KIF26B: variants seen among roughly 807,000 people sequenced by gnomAD.
KIF26B encodes the protein kinesin-like protein KIF26B.
In KIF26B, 63 loss-of-function variants were observed where a neutral mutation model predicts 151.2. The ratio of observed to expected loss-of-function variants is 0.42; its 90% CI spans 0.34 to 0.51. The LOEUF is 0.51. KIF26B is among the 20% of genes least tolerant of loss of function. KIF26B has a pLI of 0.07. For synonymous variants in KIF26B, 1,357 were observed against 1,262.1 expected (o/e 1.08, Z -1.59); for missense variants, 2,813 against 2,913.6 (o/e 0.97, Z 0.79).
intron 2 of KIF26B, among the ~76,000 whole-genome samples, chr1:245,366,541 A>G (rs1190064715): frequency 2.1e-5 from 3 of 145,820 alleles, no homozygotes; most frequent in African/African-American, 8.3e-5. Flanking sequence ...AAAAAAAAAA[A>G]GAAAAAAAAA....
intron 2 of KIF26B, among the ~76,000 whole-genome samples, chr1:245,276,171 G>A (rs373093269): frequency 1.3e-5 from 2 of 152,122 alleles, no homozygotes; most frequent in Admixed American, 6.5e-5. Context: ...GGAAAACCTC[G>A]ACTCTATTAA....
At chr1:245,164,833 G>T (rs1668589091) in intron 2 of KIF26B, among the ~76,000 whole-genome samples, 1 of 152,220 alleles carries the variant, frequency 6.6e-6, no homozygotes, top group Non-Finnish European at 1.5e-5. Context: ...AGAACTTTGG[G>T]AGGCCAAGAC....
At chr1:245,331,476 C>T (rs896017367) in intron 2 of KIF26B, among the ~76,000 whole-genome samples, 36 of 152,172 alleles carry the variant, frequency 2.4e-4, no homozygotes, top group African/African-American at 8.2e-4. Context: ...TTGAGGTACC[C>T]ACATTTGCCA....
intron 5 of KIF26B, among the ~76,000 whole-genome samples, chr1:245,559,692 G>C (rs1163080990): frequency 6.6e-6 from 1 of 152,116 alleles, no homozygotes; most frequent in Non-Finnish European, 1.5e-5. Context: ...GACTACAGGC[G>C]TGAGCCACCG....
chr1:245,472,133 C>G (rs1488535167), intron 4 of KIF26B, among the ~76,000 whole-genome samples: 1 of 152,124 alleles, frequency 6.6e-6, no homozygotes, highest in Admixed American at 6.6e-5. Context: ...AATAAACAAG[C>G]CAGAAAATAC....
intron 10 of KIF26B, among the ~76,000 whole-genome samples, chr1:245,655,170 A>C (rs2044060065): frequency 6.6e-6 from 1 of 152,132 alleles, no homozygotes; most frequent in Non-Finnish European, 1.5e-5. Flanking sequence ...GGCTAACCTC[A>C]CACACTCAGA....
intron 2 of KIF26B, among the ~76,000 whole-genome samples, chr1:245,332,161 A>C (rs1272369863): frequency 6.6e-6 from 1 of 152,238 alleles, no homozygotes; most frequent in Non-Finnish European, 1.5e-5. Context: ...TGAAGTCCTC[A>C]TCAGGAAATG....
At position 245,244,106 on chromosome 1, in the gene KIF26B, C is replaced by G. The variant is rs1438126804; in HGVS notation, c.465+87423C>G. On this transcript the variant is annotated intron_variant, in intron 2 of 14. Transcript: ENST00000407071. The surrounding 1 kb of genome is among the most constrained non-coding windows in gnomAD (Gnocchi z 4.2). ...GGACTACAGGCATGCACCATCATGC[C>G]TGGCTAATTTTTATTTATTTATTTA... is the stretch of plus-strand genomic sequence containing the variant. 4.6e-5 allele frequency among the ~76,000 whole-genome samples: 7 copies of G among 151,898 alleles called. No individual in the cohort carries two copies. The highest frequency in any genetic ancestry group is 1.0e-4 in the Non-Finnish European group (7 of 67,984).
chr1:245,373,767 A>G (rs1673182702), intron 3 of KIF26B, among the ~76,000 whole-genome samples: 1 of 152,054 alleles, frequency 6.6e-6, no homozygotes, highest in African/African-American at 2.4e-5. Flanking sequence ...TTACATTTTA[A>G]GATATGAGCA....
At chr1:245,607,062 G>A (rs534198236) in intron 6 of KIF26B, among the ~76,000 whole-genome samples, 58 of 89,338 alleles carry the variant, frequency 6.5e-4, no homozygotes, top group African/African-American at 3.1e-3. Flanking sequence ...CTGAAACTCC[G>A]TCTCAAAAAA....
chr1:245,308,085 G>A (rs1671593025), intron 2 of KIF26B, among the ~76,000 whole-genome samples: 1 of 152,126 alleles, frequency 6.6e-6, no homozygotes, highest in African/African-American at 2.4e-5. Flanking sequence ...TAGAATCTCA[G>A]AATTCTGTGA....
At position 245,512,214 on chromosome 1, in the gene KIF26B, A is replaced by G. The variant is rs1346461452; in HGVS notation, c.1167-28553A>G. Reference sequence around the variant, plus strand: ...GAGTCGTGAGTTTTTCTGAGCTATCATTGCCTTTCTCTGTCTATCACATTC... The same window carrying G: ...GAGTCGTGAGTTTTTCTGAGCTATCGTTGCCTTTCTCTGTCTATCACATTC... On this transcript the variant is annotated intron_variant, in intron 4 of 14. Transcript: ENST00000407071. This position sits in a 1 kb window ranked among gnomAD's most constrained non-coding sequence, Gnocchi z 4.3. Among the ~76,000 whole-genome samples, 1 of 152,174 alleles carries G rather than the reference A, an allele frequency of 6.6e-6. No individual in the cohort carries two copies. The highest frequency in any genetic ancestry group is 1.5e-5 in the Non-Finnish European group (1 of 68,030).
intron 2 of KIF26B, among the ~76,000 whole-genome samples, chr1:245,171,366 A>C (rs1195803754): frequency 1.3e-5 from 2 of 152,214 alleles, no homozygotes; most frequent in East Asian, 3.9e-4. Context: ...ACATGGTGAA[A>C]CCCCGTCTCT....
intron 2 of KIF26B, among the ~76,000 whole-genome samples, chr1:245,308,451 G>A (rs75241007): frequency 0.024 from 3,656 of 152,294 alleles, 150 homozygotes; most frequent in African/African-American, 0.084. Flanking sequence ...GTGAAGACAC[G>A]CTCATATGTC....
chr1:245,342,750 G>A (rs910179645), intron 2 of KIF26B, among the ~76,000 whole-genome samples: 15 of 152,174 alleles, frequency 9.9e-5, no homozygotes, highest in South Asian at 2.1e-4. Context: ...GGATGGAGAC[G>A]TCAACCTGAC....
chr1:245,533,045 C>A (rs1352078888), intron 4 of KIF26B, among the ~76,000 whole-genome samples: 1 of 152,170 alleles, frequency 6.6e-6, no homozygotes, highest in African/African-American at 2.4e-5. Flanking sequence ...GTTCCCTATC[C>A]CTGCTGTTTA....
chr1:245,566,460 T>C (rs2043011255), intron 5 of KIF26B, among the ~76,000 whole-genome samples: 1 of 152,240 alleles, frequency 6.6e-6, no homozygotes, highest in Non-Finnish European at 1.5e-5. Context: ...TAAAATACTT[T>C]CTGGAATAAG....
intron 2 of KIF26B, among the ~76,000 whole-genome samples, chr1:245,185,006 C>A (rs1486797319): frequency 6.6e-6 from 1 of 152,182 alleles, no homozygotes; most frequent in Non-Finnish European, 1.5e-5. Context: ...AGATTGGAAT[C>A]CTAGACATCC....
intron 2 of KIF26B, among the ~76,000 whole-genome samples, chr1:245,303,411 G>A (rs1573763264): frequency 6.6e-6 from 1 of 150,542 alleles, no homozygotes; most frequent in African/African-American, 2.5e-5. Flanking sequence ...TGTTAGCCAG[G>A]ATGGTCTCGA....
Sources: allele counts gnomAD v4.1 joint callset (sites outside exome capture counted in the v4.1 genomes callset), GRCh38; gene constraint gnomAD v4.1.1; non-coding constraint Gnocchi (gnomAD v3.1); transcripts MANE v1.5; gene names NCBI Gene and HGNC (gene_info 2026-07-23, HGNC 2026-07-21).